The following SLC44A5 variants were observed in gnomAD, a reference collection of about 807,000 sequenced individuals.
SLC44A5 encodes choline transporter-like protein 5.
A neutral mutation model predicts 101.8 loss-of-function variants in SLC44A5; 57 were observed. The observed-to-expected ratio is 0.56, with a 90% CI of 0.45 to 0.70. The LOEUF (loss-of-function observed/expected upper bound fraction) is 0.70, where lower values mean the gene tolerates loss of function less well. Among genes scored for constraint, SLC44A5 ranks in the 30% least tolerant of loss-of-function variants. SLC44A5 has a pLI of 0.00. For synonymous variants in SLC44A5, 281 were observed against 290.9 expected, an observed-to-expected ratio of 0.97 and a Z score of 0.35; for missense variants, 737 against 853.1, an observed-to-expected ratio of 0.86 and a Z score of 1.70.
chr1:75,261,879 C>G (rs942545007), intron 6 of SLC44A5, among the ~76,000 whole-genome samples: 11 of 152,100 alleles, frequency 7.2e-5, no homozygotes, highest in African/African-American at 2.7e-4. Flanking sequence ...GCATAACAAC[C>G]AATGACCAAA....
intron 2 of SLC44A5, among the ~76,000 whole-genome samples, chr1:75,405,607 C>G (rs1662798706): frequency 6.6e-6 from 1 of 152,124 alleles, no homozygotes; most frequent in South Asian, 2.1e-4. Context: ...TGAATGACTA[C>G]TGGGTAAACA....
At chr1:75,572,405 G>A (rs1673121445) in intron 1 of SLC44A5, among the ~76,000 whole-genome samples, 1 of 152,160 alleles carries the variant, frequency 6.6e-6, no homozygotes, top group South Asian at 2.1e-4. Flanking sequence ...GGGATTTGAA[G>A]CTAGAATATT....
chr1:75,289,502 C>T (rs1483876559), intron 5 of SLC44A5, among the ~76,000 whole-genome samples: 2 of 152,192 alleles, frequency 1.3e-5, no homozygotes, highest in Non-Finnish European at 2.9e-5. Flanking sequence ...AGAAGTACTC[C>T]ATTCCCAATG....
the SLC44A5 span, among the ~76,000 whole-genome samples, chr1:75,695,787 T>C: frequency 1.3e-5 from 2 of 148,316 alleles, no homozygotes; most frequent in East Asian, 3.9e-4. Flanking sequence ...GTATTCATGA[T>C]ACTATGTATA....
At chr1:75,440,708 ACACGGTGC>A (rs2101625046) in intron 2 of SLC44A5, among the ~76,000 whole-genome samples, 1 of 152,254 alleles carries the variant, frequency 6.6e-6, no homozygotes, top group Admixed American at 6.5e-5. Context: ...ATTATGGTAA[ACACGGTGC>A]CATGTACAAG....
intron 2 of SLC44A5, among the ~76,000 whole-genome samples, chr1:75,511,235 G>GA (rs1433163856): frequency 5.3e-5 from 8 of 152,216 alleles, no homozygotes; most frequent in African/African-American, 1.9e-4. Context: ...GTCAGGAACA[G>GA]AAATGCTAAA....
At chr1:75,443,372 T>C in intron 2 of SLC44A5, among the ~76,000 whole-genome samples, 2 of 151,546 alleles carry the variant, frequency 1.3e-5, no homozygotes, top group South Asian at 4.2e-4. Flanking sequence ...GATTGATACA[T>C]AAAAAAAGAA....
At chr1:75,356,397 GTTTTTAACAAAAAGTTTAAAA>G (rs1312753923) in intron 3 of SLC44A5, among the ~76,000 whole-genome samples, 1 of 151,604 alleles carries the variant, frequency 6.6e-6, no homozygotes, top group Non-Finnish European at 1.5e-5. Flanking sequence ...TTGTGTCTCT[GTTTTTAACAAAAAGTTTAAAA>G]ATTAAAAAAT....
the SLC44A5 span, among the ~76,000 whole-genome samples, chr1:75,622,260 C>A: frequency 6.6e-6 from 1 of 151,918 alleles, no homozygotes. Context: ...TCCTCCTCAC[C>A]CCACCCCCAA....
chr1:75,511,498 C>T (rs1669569939), intron 2 of SLC44A5, among the ~76,000 whole-genome samples: 1 of 152,060 alleles, frequency 6.6e-6, no homozygotes, highest in South Asian at 2.1e-4. Context: ...ACTACAAATG[C>T]AGAATAATAT....
chr1:75,357,670 G>T (rs1388108273), intron 3 of SLC44A5, among the ~76,000 whole-genome samples: 3 of 152,108 alleles, frequency 2.0e-5, no homozygotes, highest in African/African-American at 7.2e-5. Context: ...AAGAAAATGG[G>T]CCCAGTGGGT....
chr1:75,552,076 G>A (rs891757280), intron 1 of SLC44A5, among the ~76,000 whole-genome samples: 9 of 152,186 alleles, frequency 5.9e-5, no homozygotes, highest in South Asian at 2.1e-4. Context: ...GAAAGTATTA[G>A]TGCAAATGAA....
At position 75,427,742 on chromosome 1, in the gene SLC44A5, G is replaced by A. The variant is rs372757929; in HGVS notation, c.14-31121C>T. Among the ~76,000 whole-genome samples the A allele has an allele frequency of 3.6e-4, 55 of 152,228 alleles. 1 individual carries two copies. In the South Asian group the frequency reaches 8.9e-3, roughly 25 times the overall value. ...TTAAAATGAGAATAATAAAAATGTC[G>A]TTGTGAGGATTAGATATTTTACACA... On this transcript the variant is annotated intron_variant, in intron 2 of 23. Coordinates refer to ENST00000370859, the MANE Select transcript of SLC44A5 (RefSeq NM_001130058.2).
chr1:75,433,647 T>C (rs1664733903), intron 2 of SLC44A5, among the ~76,000 whole-genome samples: 1 of 152,170 alleles, frequency 6.6e-6, no homozygotes, highest in Admixed American at 6.6e-5. Context: ...ATCTCTTAGA[T>C]CTGTCTTTCT....
chr1:75,505,047 G>T (rs758141899), intron 2 of SLC44A5, among the ~76,000 whole-genome samples: 3 of 151,824 alleles, frequency 2.0e-5, no homozygotes, highest in Non-Finnish European at 2.9e-5. Context: ...CCATCTTTGT[G>T]TCCATAGGTA....
chr1:75,607,487 A>G (rs1017632948), intron 1 of SLC44A5, among the ~76,000 whole-genome samples: 7 of 152,162 alleles, frequency 4.6e-5, no homozygotes, highest in Non-Finnish European at 1.0e-4. Flanking sequence ...GTACAACATG[A>G]TGATTTGGTA....
At chr1:75,266,557 C>G (rs1168402249) in intron 6 of SLC44A5, among the ~76,000 whole-genome samples, 1 of 152,140 alleles carries the variant, frequency 6.6e-6, no homozygotes, top group African/African-American at 2.4e-5. Flanking sequence ...AGTATTTTAA[C>G]CTTTCTGAAT....
the SLC44A5 span, among the ~76,000 whole-genome samples, chr1:75,623,584 G>T: frequency 1.3e-5 from 2 of 151,958 alleles, no homozygotes; most frequent in Non-Finnish European, 2.9e-5. Context: ...AGTCTCAAAG[G>T]ATAAGGTTTT....
chr1:75,339,556 A>G, intron 4 of SLC44A5, 26 bp downstream of exon 4: 1 of 1,591,278 alleles, frequency 6.3e-7, no homozygotes, highest in Non-Finnish European at 8.6e-7. Flanking sequence ...TTAAAAAAGC[A>G]TATTCCCCAA....
Sources: allele counts gnomAD v4.1 joint callset (sites outside exome capture counted in the v4.1 genomes callset), GRCh38; gene constraint gnomAD v4.1.1; transcripts MANE v1.5; gene names NCBI Gene and HGNC (gene_info 2026-07-23, HGNC 2026-07-21).